Variants in IGFN1 observed in about 807,000 individuals in gnomAD.
The protein encoded by IGFN1 is immunoglobulin-like and fibronectin type III domain-containing protein 1.
A neutral mutation model predicts 289.5 loss-of-function variants in IGFN1; 253 were observed. That is an observed-to-expected ratio of 0.87 (90% CI 0.79 to 0.97). IGFN1 has a LOEUF of 0.97. Ranked by LOEUF, IGFN1 falls within the 50% of genes least tolerant of loss-of-function variation. The pLI, the probability that IGFN1 is intolerant of heterozygous loss-of-function variation, is 0.00. For synonymous variants in IGFN1, 1,706 were observed against 1,788.5 expected, an observed-to-expected ratio of 0.95 and a Z score of 1.16; for missense variants, 4,470 against 4,686.1, an observed-to-expected ratio of 0.95 and a Z score of 1.35.
In IGFN1 at chr1:201,212,708, T is replaced by G. The variant is rs780054705; in HGVS notation, c.7815T>G (p.Pro2605=). 141 of 1,550,070 alleles carry G rather than the reference T, an allele frequency of 9.1e-5. 3 individuals carry two copies. The East Asian group carries it at 9.3e-4, about 10-fold the overall frequency. ...TGQDLDSGSM[P]GGRGKSTSGP... ...AGGATCTGGACAGCGGCTCTATGCC[T>G]GGGGGAAGGGGCAAGTCAACATCAG... is the stretch of plus-strand genomic sequence containing the variant. Residue 2605 remains proline, a synonymous_variant, in exon 12 of 24, where the codon CCT becomes CCG. Coordinates refer to ENST00000335211, the MANE Select transcript of IGFN1 (RefSeq NM_001164586.2).
intron 15 of IGFN1, 100 bp from the exon 16 acceptor site, chr1:201,216,354 T>TG: frequency 1.8e-5 from 12 of 659,484 alleles, no homozygotes; most frequent in South Asian, 1.4e-4. Flanking sequence ...TGGATGGGGG[T>TG]GGGGGGGAGT....
chr1:201,220,271 C>G (rs1653645444), intron 18 of IGFN1, among the ~76,000 whole-genome samples: 1 of 152,112 alleles, frequency 6.6e-6, no homozygotes, highest in South Asian at 2.1e-4. Context: ...CAGCCTTGAA[C>G]TCCTGGCCTC....
Position 201,215,588 on chromosome 1 carries a change from G to C in IGFN1, c.9045G>C (p.Leu3015=), listed in dbSNP as rs140234880. 33 of 1,609,444 alleles carry C rather than the reference G, an allele frequency of 2.1e-5. No individual in the cohort carries two copies. The highest frequency in any genetic ancestry group is 2.8e-5 in the Non-Finnish European group (33 of 1,178,058). The change falls in exon 15 of 24, where the codon CTG becomes CTC. Residue 3015 remains leucine, a synonymous_variant. Coordinates refer to ENST00000335211, the MANE Select transcript of IGFN1 (RefSeq NM_001164586.2). The stretch of plus-strand genomic sequence containing the variant: ...TGACAGAGAAACTGAGAGAGCCACT[G>C]GTGGTCAAGGCTGGGAAGCCGGTGA... The part of the protein sequence containing the change: ...PDVTEKLREP[L]VVKAGKPVIV...
At chr1:201,214,893 GC>G in intron 13 of IGFN1, 119 bp from the exon 14 acceptor site, 1 of 982,104 alleles carries the variant, frequency 1.0e-6, no homozygotes, top group Non-Finnish European at 1.5e-6. Flanking sequence ...CACACAATAA[GC>G]ATTCCATTCA....
In IGFN1 at chr1:201,222,851, G is replaced by T. The variant is rs764520846; in HGVS notation, c.10290+24G>T. The T allele has an allele frequency of 2.9e-5, 46 of 1,576,730 alleles. 1 individual carries two copies. In the South Asian group the frequency reaches 5.2e-4, roughly 18 times the overall value. The stretch of plus-strand genomic sequence containing the variant: ...AAGTGAGTGTACCTGCAGGGGTGTG[G>T]GGAGGGAAGCCCAGAGAGGCCAAGG... On this transcript the variant is annotated intron_variant, in intron 20 of 23. Transcript: ENST00000335211.
Position 201,203,812 on chromosome 1 carries a change from G to A in IGFN1, c.822G>A (p.Glu274=), listed in dbSNP as rs148582219. 2.2e-4 allele frequency: 335 copies of A among 1,551,732 alleles called. No individual in the cohort carries two copies. The East Asian group carries it at 6.0e-3, about 28-fold the overall frequency. The change falls in exon 10 of 24, where the codon GAG becomes GAA. Residue 274 remains glutamate, a synonymous_variant. Transcript: ENST00000335211. ...TGCGCCGGCTGGGGAAGCGCTATGAGTTCCAGATTCAAGACCTGAGGCCTG... is the reference window on the plus strand; with the variant it reads ...TGCGCCGGCTGGGGAAGCGCTATGAATTCCAGATTCAAGACCTGAGGCCTG... ...HCLRRLGKRY[E]FQIQDLRPED...
rs746792420 is a variant in IGFN1 at position 201,194,236 on chromosome 1, C to G, written c.90C>G (p.Asp30Glu). ...TCCCTGAAGGCTGCAGCACGCCGGA[C>G]TTTGAGCAGAAGCCCGTCACCTCGG... is the stretch of plus-strand genomic sequence containing the variant. ...EEIPEGCSTP[D>E]FEQKPVTSAL... Residue 30 changes from aspartate (D) to glutamate (E), a missense_variant, in exon 3 of 24, where the codon GAC becomes GAG. Transcript: ENST00000335211. The G allele has an allele frequency of 1.3e-6, 2 of 1,551,628 alleles. No homozygotes were observed. Among genetic ancestry groups the G allele is most frequent in the Non-Finnish European group, 1.7e-6 (2 of 1,146,948 alleles).
At position 201,215,794 on chromosome 1, in the gene IGFN1, G is replaced by A. The variant is rs903072447; in HGVS notation, c.9251G>A (p.Ser3084Asn). 6 of 1,597,968 alleles carry A rather than the reference G, an allele frequency of 3.8e-6. No homozygotes were observed. In the Admixed American group the frequency reaches 5.1e-5, roughly 13 times the overall value. The stretch of plus-strand genomic sequence containing the variant: ...GGCCAGTACAGCGTGACACTGAGGA[G>A]TGAGGGAGGCTCTGTGCAGGCCGAG... ...DCGQYSVTLR[S>N]EGGSVQAELT... Residue 3084 changes from serine (S) to asparagine (N), a missense_variant, in exon 15 of 24, where the codon AGT (serine) becomes AAT (asparagine). Transcript: ENST00000335211.
intron 20 of IGFN1, 193 bp downstream of exon 20, chr1:201,223,020 C>A: frequency 2.3e-6 from 1 of 428,036 alleles, no homozygotes; most frequent in Non-Finnish European, 4.2e-6. Context: ...CTTGAAGGTA[C>A]TGCCCTCACT....
rs1667850039 is a variant in IGFN1, at chr1:201,212,199, A to G, written c.7306A>G (p.Met2436Val). ...TGGAATGCCAGGCACTGCAGGTGGC[A>G]TGGCACACAGAGACAGCCTCAGGGG... ...MAGMPGTAGGMAHRDSLRGTG... is the reference protein window; with the variant it reads ...MAGMPGTAGGVAHRDSLRGTG... Residue 2436 changes from methionine to valine, a missense_variant, in exon 12 of 24, where the codon ATG becomes GTG. By Grantham distance (21) the Met-to-Val change is conservative. Coordinates refer to ENST00000335211, the MANE Select transcript of IGFN1 (RefSeq NM_001164586.2). 3 of 1,535,132 alleles carry G rather than the reference A, an allele frequency of 2.0e-6. No individual in the cohort carries two copies. The South Asian group carries it at 3.6e-5, about 18-fold the overall frequency.
At position 201,222,787 on chromosome 1, in the gene IGFN1, T is replaced by C; in HGVS notation, c.10250T>C (p.Val3417Ala). The C allele has an allele frequency of 1.2e-6, 2 of 1,613,454 alleles. No homozygotes were observed. The highest frequency in any genetic ancestry group is 1.7e-6 in the Non-Finnish European group (2 of 1,179,616). Residue 3417 changes from valine to alanine, a missense_variant, in exon 20 of 24, where the codon GTC becomes GCC. Val to Ala is a moderately conservative substitution (Grantham distance 64). Around this residue, in one of 8 missense-constraint regions of IGFN1, gnomAD observed 2,218 missense variants for 2,114.1 expected, o/e 1.05. Coordinates refer to ENST00000335211, the MANE Select transcript of IGFN1 (RefSeq NM_001164586.2). ...TCCAGCACCAAGGACTTGCTGACAG[T>C]CAAGGTCGGGGACACAGTTCGTGTG... ...VDSSTKDLLT[V>A]KVGDTVRVPV... is the part of the protein sequence containing the mutation.
At chr1:201,223,625 G>A (rs1268296697) in intron 20 of IGFN1, among the ~76,000 whole-genome samples, 1 of 152,004 alleles carries the variant, frequency 6.6e-6, no homozygotes, top group South Asian at 2.1e-4. Context: ...TGCCCACCTC[G>A]GCCTCCCAAA....
rs186125315 is a variant in IGFN1 at position 201,201,416 on chromosome 1, A to G, written c.634-303A>G. ...GGCTTTAACACGGGACCTAGCACAGAGCTTTGCACACGGTAGGTGTTCAAC... is the reference window on the plus strand; with the variant it reads ...GGCTTTAACACGGGACCTAGCACAGGGCTTTGCACACGGTAGGTGTTCAAC... On this transcript the variant is annotated intron_variant, in intron 8 of 23. Transcript: ENST00000335211. Among the ~76,000 whole-genome samples the G allele has an allele frequency of 1.5e-4, 23 of 152,322 alleles. No individual in the cohort carries two copies. In the East Asian group the frequency reaches 4.3e-3, roughly 28 times the overall value.
chr1:201,205,834 TG>T (rs1370801311), intron 11 of IGFN1, among the ~76,000 whole-genome samples: 1 of 152,224 alleles, frequency 6.6e-6, no homozygotes, highest in African/African-American at 2.4e-5. Context: ...AAAACCCTCA[TG>T]AAGCCTATAG....
intron 10 of IGFN1, 69 bp downstream of exon 10, chr1:201,203,975 A>G: frequency 7.1e-7 from 1 of 1,399,624 alleles, no homozygotes; most frequent in East Asian, 2.5e-5. Flanking sequence ...TGTTGGTGCA[A>G]CGTGTGTGTT....
In IGFN1 at chr1:201,215,124, C is replaced by T. The variant is rs1258406125; in HGVS notation, c.8965C>T (p.Gln2989Ter). Residue 2989 changes from glutamine to a stop codon, truncating the protein, a stop_gained, in exon 14 of 24, where the codon CAG becomes TAG. Coordinates refer to ENST00000335211, the MANE Select transcript of IGFN1 (RefSeq NM_001164586.2). LOFTEE classifies it high-confidence loss of function. ...AGRYTFVAGD[Q>*]QSEATLTVQD... Reference sequence around the variant, plus strand: ...GAGGTACACCTTTGTAGCTGGTGACCAGCAGAGCGAGGCCACCCTGACCGT... The same window carrying T: ...GAGGTACACCTTTGTAGCTGGTGACTAGCAGAGCGAGGCCACCCTGACCGT... The T allele has an allele frequency of 1.2e-6, 2 of 1,613,602 alleles. No homozygotes were observed. The highest frequency in any genetic ancestry group is 1.7e-5 in the Admixed American group (1 of 59,996).
In IGFN1 at chr1:201,208,624, C is replaced by T. The variant is rs1558143914; in HGVS notation, c.3731C>T (p.Thr1244Ile). 8 of 1,524,690 alleles carry T rather than the reference C, an allele frequency of 5.2e-6. No homozygotes were observed. Among genetic ancestry groups the T allele is most frequent in the Non-Finnish European group, 7.0e-6 (8 of 1,141,922 alleles). The allele number at this position is 1,524,690 out of a possible 1,614,324, so 94.4% of individuals were successfully genotyped here. A position where few individuals can be genotyped will look rare whatever the true frequency, so the allele number is the denominator to read the frequency against. The change falls in exon 12 of 24, where the codon ACA becomes ATA. Residue 1244 changes from threonine (T) to isoleucine (I), a missense_variant. This residue lies in a region of IGFN1 where 2,011 missense variants were observed against 1,953.4 expected (regional missense o/e 1.03). Transcript: ENST00000335211. ...ERSRGLGPRS[T>I]GPGGEAGFRD... ...TCAAGGGGCCTTGGGCCTAGGAGTA[C>T]AGGGCCAGGGGGTGAGGCAGGCTTT...
Position 201,228,399 on chromosome 1 carries a change from G to A in IGFN1, c.11127G>A (p.Ter3709=), listed in dbSNP as rs1654252737. The A allele has an allele frequency of 1.2e-6, 2 of 1,613,930 alleles. No individual in the cohort carries two copies. The highest frequency in any genetic ancestry group is 1.7e-5 in the Admixed American group (1 of 59,984). Residue 3709 remains the stop codon, a stop_retained_variant, in exon 24 of 24, where the codon TAG becomes TAA. Coordinates refer to ENST00000335211, the MANE Select transcript of IGFN1 (RefSeq NM_001164586.2). ...TGTGTCTTGCAGAACCCAGCACCTA[G>A]CCTCACCTCACCCTGGGATGGTCCT... The part of the protein sequence containing the change: ...ATLIVIEPST[*]
intron 19 of IGFN1, 127 bp downstream of exon 19, chr1:201,221,873 T>C (rs1276800646): frequency 6.5e-6 from 5 of 767,154 alleles, no homozygotes; most frequent in African/African-American, 1.8e-5. Flanking sequence ...TAACATTTAT[T>C]GAGCACCTAC....
Sources: gnomAD v4.1 joint callset for allele counts (sites outside exome capture counted in the v4.1 genomes callset) on GRCh38, gnomAD v4.1.1 for gene constraint, gnomAD v4.1.1 regional missense constraint, MANE v1.5 for transcripts, NCBI Gene and HGNC (gene_info 2026-07-23, HGNC 2026-07-21) for gene names.